Variants in OXR1 observed in about 807,000 individuals in gnomAD.
The protein encoded by OXR1 is oxidation resistance protein 1.
OXR1 carries 41 observed loss-of-function variants against 104.6 expected under a neutral mutation model. The observed-to-expected ratio is 0.39, with a 90% CI of 0.31 to 0.51. OXR1 has a LOEUF of 0.51. Ranked by LOEUF, OXR1 falls within the 20% of genes least tolerant of loss-of-function variation. The pLI, the probability that OXR1 is intolerant of heterozygous loss-of-function variation, is 0.77. For missense variants in OXR1, 955 were observed against 1,031.9 expected, an observed-to-expected ratio of 0.93 and a Z score of 1.02; for synonymous variants, 348 against 348.4, an observed-to-expected ratio of 1.00 and a Z score of 0.01.
Position 106,707,054 on chromosome 8 carries a change from G to A in OXR1, c.1533G>A (p.Met511Ile), listed in dbSNP as rs1831208596. ...GCAAACTTTGGAAAACCCATACTAT[G>A]CAACAAACTAAACAGCAAAGGGAAA... is the stretch of plus-strand genomic sequence containing the variant. ...ELRKLWKTHTMQQTKQQRENI... is the reference protein window; with the variant it reads ...ELRKLWKTHTIQQTKQQRENI... Residue 511 changes from methionine to isoleucine, a missense_variant, in exon 9 of 17, where the codon ATG (methionine) becomes ATA (isoleucine). Met to Ile is a conservative substitution (Grantham distance 10, BLOSUM62 1). Around this residue, in one of 2 missense-constraint regions of OXR1, gnomAD observed 849 missense variants for 852.9 expected, o/e 1.00. Coordinates refer to ENST00000517566, the MANE Select transcript of OXR1 (RefSeq NM_001198533.2). 1 of 1,613,748 alleles carries A rather than the reference G, an allele frequency of 6.2e-7. No individual in the cohort carries two copies. The highest frequency in any genetic ancestry group is 1.3e-5 in the African/African-American group (1 of 74,904).
intron 2 of OXR1, among the ~76,000 whole-genome samples, chr8:106,515,196 A>G (rs1812779902): frequency 6.6e-6 from 1 of 152,056 alleles, no homozygotes; most frequent in Admixed American, 6.6e-5. Context: ...TTATTAGTTG[A>G]AAAATAAAAA....
intron 9 of OXR1, among the ~76,000 whole-genome samples, chr8:106,709,781 T>G (rs1831514511): frequency 6.6e-6 from 1 of 152,178 alleles, no homozygotes; most frequent in Non-Finnish European, 1.5e-5. Flanking sequence ...TCAAACTTTC[T>G]GATCTTTATG....
At chr8:106,574,187 A>G (rs1817666919) in intron 3 of OXR1, among the ~76,000 whole-genome samples, 1 of 152,112 alleles carries the variant, frequency 6.6e-6, no homozygotes, top group South Asian at 2.1e-4. Context: ...TTAGGATACT[A>G]ATTTGCTCCT....
chr8:106,364,116 A>G (rs886494718), intron 2 of OXR1, among the ~76,000 whole-genome samples: 2 of 152,192 alleles, frequency 1.3e-5, no homozygotes, highest in African/African-American at 4.8e-5. Flanking sequence ...TGGAAAAATA[A>G]CAAAGCCTAA....
chr8:106,685,004 G>A (rs1306698611), intron 6 of OXR1, among the ~76,000 whole-genome samples: 1 of 151,656 alleles, frequency 6.6e-6, no homozygotes, highest in Non-Finnish European at 1.5e-5. Context: ...TCCTTGCCTG[G>A]GAACTTTTTT....
intron 7 of OXR1, among the ~76,000 whole-genome samples, chr8:106,702,336 A>G (rs936297969): frequency 3.9e-5 from 6 of 152,206 alleles, no homozygotes; most frequent in African/African-American, 1.4e-4. Context: ...TACACTATAT[A>G]CTTTAGATGT....
chr8:106,470,694 G>GGAT (rs144438197), intron 2 of OXR1, among the ~76,000 whole-genome samples: 1,704 of 151,684 alleles, frequency 0.011, 31 homozygotes, highest in African/African-American at 0.039. Context: ...GAAAAGAGAA[G>GGAT]GCCAAAGATT....
chr8:106,711,719 G>C (rs557012127), intron 10 of OXR1, among the ~76,000 whole-genome samples: 10 of 152,168 alleles, frequency 6.6e-5, no homozygotes, highest in Non-Finnish European at 1.5e-4. Context: ...GCAATTGTGT[G>C]ATTTCTCTGT....
At chr8:106,555,906 G>A (rs1046276144) in intron 3 of OXR1, among the ~76,000 whole-genome samples, 1 of 139,954 alleles carries the variant, frequency 7.1e-6, no homozygotes, top group South Asian at 2.2e-4. Context: ...GTGTATATGT[G>A]TGTAGGCATA....
intron 2 of OXR1, among the ~76,000 whole-genome samples, chr8:106,490,998 TG>T (rs1161518887): frequency 6.6e-6 from 1 of 152,238 alleles, no homozygotes; most frequent in African/African-American, 2.4e-5. Context: ...TCGCTTGTCC[TG>T]GGTGTCCTAT....
At chr8:106,313,321 G>A (rs949481541) in intron 1 of OXR1, among the ~76,000 whole-genome samples, 1 of 152,046 alleles carries the variant, frequency 6.6e-6, no homozygotes, top group Non-Finnish European at 1.5e-5. Context: ...GGACTTTTAG[G>A]GGGTAAGGGA....
intron 16 of OXR1, among the ~76,000 whole-genome samples, chr8:106,748,013 C>A (rs897099510): frequency 1.3e-5 from 2 of 152,178 alleles, no homozygotes; most frequent in Admixed American, 1.3e-4. Context: ...ATTCTCCTTT[C>A]TAATAGATTG....
chr8:106,635,531 G>A lies in OXR1; in HGVS notation c.221-43679G>A, dbSNP rs192033178. Among the ~76,000 whole-genome samples the A allele has an allele frequency of 1.9e-3, 288 of 152,138 alleles. 1 individual carries two copies. Among genetic ancestry groups the A allele is most frequent in the African/African-American group, 6.8e-3 (281 of 41,490 alleles). On this transcript the variant is annotated intron_variant, in intron 3 of 16. Transcript: ENST00000517566. ...ACAATCTTGGCTCATTGCAACCTCCGCCTCCTGGGTTCAAACGATTCTTGT... is the reference window on the plus strand; with the variant it reads ...ACAATCTTGGCTCATTGCAACCTCCACCTCCTGGGTTCAAACGATTCTTGT...
chr8:106,591,691 C>A (rs1419553514), intron 3 of OXR1, among the ~76,000 whole-genome samples: 1 of 151,956 alleles, frequency 6.6e-6, no homozygotes, highest in Non-Finnish European at 1.5e-5. Flanking sequence ...CACTACCCAC[C>A]CAATTATTGG....
At chr8:106,362,312 T>A (rs1423041672) in intron 2 of OXR1, among the ~76,000 whole-genome samples, 2 of 152,186 alleles carry the variant, frequency 1.3e-5, no homozygotes, top group Non-Finnish European at 2.9e-5. Flanking sequence ...CTGAGGTTAA[T>A]GTGGGAAGTG....
intron 2 of OXR1, among the ~76,000 whole-genome samples, chr8:106,370,137 G>A (rs1816641859): frequency 6.6e-6 from 1 of 152,026 alleles, no homozygotes; most frequent in South Asian, 2.1e-4. Flanking sequence ...TGTGTTTCTA[G>A]GTATTTTATT....
chr8:106,364,474 GGAGGCT>G (rs1480443962), intron 2 of OXR1, among the ~76,000 whole-genome samples: 1 of 152,078 alleles, frequency 6.6e-6, no homozygotes, highest in Non-Finnish European at 1.5e-5. Context: ...CAGCTACTCA[GGAGGCT>G]GAGGCAGGAG....
intron 1 of OXR1, among the ~76,000 whole-genome samples, chr8:106,291,674 A>C: frequency 6.6e-6 from 1 of 152,174 alleles, no homozygotes; most frequent in East Asian, 1.9e-4. Context: ...ATATTAGTCC[A>C]TTTTCACACT....
At chr8:106,348,210 G>C (rs913298714) in intron 1 of OXR1, among the ~76,000 whole-genome samples, 68 of 152,108 alleles carry the variant, frequency 4.5e-4, no homozygotes, top group African/African-American at 1.6e-3. Context: ...CGAGGGGTGG[G>C]AAAGTTTAGG....
Sources: allele counts gnomAD v4.1 joint callset (sites outside exome capture counted in the v4.1 genomes callset), GRCh38; gene constraint gnomAD v4.1.1; regional missense constraint gnomAD v4.1.1; transcripts MANE v1.5; gene names NCBI Gene and HGNC (gene_info 2026-07-23, HGNC 2026-07-21).